HPS6: variants seen among roughly 807,000 people sequenced by gnomAD.
The protein encoded by HPS6 is BLOC-2 complex member HPS6.
Under a neutral mutation model 53.6 loss-of-function variants are expected in HPS6, and 46 were observed. The ratio of observed to expected loss-of-function variants is 0.86; its 90% CI spans 0.68 to 1.10. The LOEUF (loss-of-function observed/expected upper bound fraction) is 1.10, where lower values mean the gene tolerates loss of function less well. Ranked by LOEUF, HPS6 falls within the 50% of genes least tolerant of loss-of-function variation. The pLI is 0.00. For missense variants in HPS6, 1,034 were observed against 991.3 expected (o/e 1.04, Z -0.58); for synonymous variants, 535 against 470.8 (o/e 1.14, Z -1.77).
Position 102,065,378 on chromosome 10 carries a change from A to T in HPS6, c.-97A>T, listed in dbSNP as rs1054326781. 8 of 1,258,308 alleles carry T rather than the reference A, an allele frequency of 6.4e-6. No individual in the cohort carries two copies. The African/African-American group carries it at 1.3e-4, about 20-fold the overall frequency. 77.9% of individuals were successfully genotyped at this position (1,258,308 alleles called of 1,614,324 possible). ...GCTCACCTCATCCACGGGAGACGGA[A>T]GTCTTGGCCCTGCTCCGCTCCCCCG... On this transcript the variant is annotated 5_prime_UTR_variant, in exon 1 of 1. It adds an upstream start codon to the 5' untranslated region. Transcript: ENST00000299238.
Position 102,065,525 on chromosome 10 carries a change from C to T in HPS6, c.51C>T (p.Gly17=), listed in dbSNP as rs1292275501. Reference sequence around the variant, plus strand: ...TGCTCTCGGACCTGAGCGCCTTCGGCGGCGCGGCGCGGCTCCGGGAGCTGG... The same window carrying T: ...TGCTCTCGGACCTGAGCGCCTTCGGTGGCGCGGCGCGGCTCCGGGAGCTGG... ...LRLLSDLSAF[G]GAARLRELVA... Residue 17 remains glycine, a synonymous_variant, in exon 1 of 1, where the codon GGC becomes GGT. Coordinates refer to ENST00000299238, the MANE Select transcript of HPS6 (RefSeq NM_024747.6). 5 of 1,550,164 alleles carry T rather than the reference C, an allele frequency of 3.2e-6. No homozygotes were observed. The highest frequency in any genetic ancestry group is 4.3e-6 in the Non-Finnish European group (5 of 1,159,872).
Position 102,065,997 on chromosome 10 carries a change from A to G in HPS6, c.523A>G (p.Ser175Gly), listed in dbSNP as rs761258579. The change falls in exon 1 of 1, where the codon AGC becomes GGC. Residue 175 changes from serine (S) to glycine (G), a missense_variant. Transcript: ENST00000299238. ...GACTCTGGAGCCCAGCGGGGAAGCT[A>G]GCACCAGCCTGGGCCGCACACACGT... is the stretch of plus-strand genomic sequence containing the variant. ...VRTLEPSGEA[S>G]TSLGRTHVLL... 85 of 1,602,228 alleles carry G rather than the reference A, an allele frequency of 5.3e-5. No individual in the cohort carries two copies. Among genetic ancestry groups the G allele is most frequent in the Non-Finnish European group, 7.0e-5 (82 of 1,179,852 alleles).
Position 102,067,055 on chromosome 10 carries a change from C to T in HPS6, c.1581C>T (p.Leu527=), listed in dbSNP as rs113795554. 6.2e-6 allele frequency: 10 copies of T among 1,614,076 alleles called. No individual in the cohort carries two copies. The African/African-American group carries it at 8.0e-5, about 13-fold the overall frequency. The change falls in exon 1 of 1, where the codon CTC becomes CTT. Residue 527 remains leucine (L), a synonymous_variant. Transcript: ENST00000299238. ...GTGCCACCCTCAGGGCCCTGCAGCT[C>T]CAGCTAGATGGGAATGGCAAGCTGA... ...AWGATLRALQ[L]QLDGNGKLRS...
Position 102,067,824 on chromosome 10 carries a change from A to C in HPS6, c.*22A>C. On this transcript the variant is annotated 3_prime_UTR_variant, in exon 1 of 1. Coordinates refer to ENST00000299238, the MANE Select transcript of HPS6 (RefSeq NM_024747.6). The stretch of plus-strand genomic sequence containing the variant: ...ATGACTACCCTTCAGGCATCAGAAC[A>C]CTCAGGGCCTGGAGGCTTGCTTGGG... 6.2e-7 allele frequency: 1 copy of C among 1,612,338 alleles called. No individual in the cohort carries two copies. Among genetic ancestry groups the C allele is most frequent in the Non-Finnish European group, 8.5e-7 (1 of 1,179,588 alleles).
rs2067977972 is a variant in HPS6, at chr10:102,067,176, C to T, written c.1702C>T (p.Leu568=). The part of the protein sequence containing the change: ...PNGILPPFEL[L]CQCLCQLEPR... The stretch of plus-strand genomic sequence containing the variant: ...TGGAATACTGCCCCCCTTTGAACTC[C>T]TGTGCCAGTGTCTGTGCCAGCTGGA... Residue 568 remains leucine (L), a synonymous_variant, in exon 1 of 1, where the codon CTG becomes TTG. Transcript: ENST00000299238. 1 of 1,613,304 alleles carries T rather than the reference C, an allele frequency of 6.2e-7. No individual in the cohort carries two copies. The highest frequency in any genetic ancestry group is 8.5e-7 in the Non-Finnish European group (1 of 1,180,016).
In HPS6 at chr10:102,066,886, A is replaced by G; in HGVS notation, c.1412A>G (p.Gln471Arg). ...CGAGGCTTAGAACAGCTGAAGGCCC[A>G]GCTGGTGGCTGGGGATGATGAGGAG... The part of the protein sequence containing the change: ...DYRGLEQLKA[Q>R]LVAGDDEEAG... The change falls in exon 1 of 1, where the codon CAG becomes CGG. Residue 471 changes from glutamine (Q) to arginine (R), a missense_variant. Coordinates refer to ENST00000299238, the MANE Select transcript of HPS6 (RefSeq NM_024747.6). 1.2e-6 allele frequency: 2 copies of G among 1,614,218 alleles called. No homozygotes were observed. The highest frequency in any genetic ancestry group is 1.7e-6 in the Non-Finnish European group (2 of 1,180,034).
At position 102,067,519 on chromosome 10, in the gene HPS6, G is replaced by A. The variant is rs778873202; in HGVS notation, c.2045G>A (p.Arg682His). Residue 682 changes from arginine (R) to histidine (H), a missense_variant, in exon 1 of 1, where the codon CGC becomes CAC. Transcript: ENST00000299238. ...CTGCTGGCCGAGTTTGCCCAGCACC[G>A]CCGGCTTGATGCTCACCTCCCCCTC... ...KLLLAEFAQH[R>H]RLDAHLPLLC... The A allele has an allele frequency of 2.0e-5, 33 of 1,613,446 alleles. No individual in the cohort carries two copies. Among genetic ancestry groups the A allele is most frequent in the African/African-American group, 5.3e-5 (4 of 74,920 alleles).
At position 102,066,108 on chromosome 10, in the gene HPS6, G is replaced by A. The variant is rs375789510; in HGVS notation, c.634G>A (p.Val212Met). 151 of 1,613,404 alleles carry A rather than the reference G, an allele frequency of 9.4e-5. No individual in the cohort carries two copies. Among genetic ancestry groups the A allele is most frequent in the Non-Finnish European group, 1.2e-4 (140 of 1,180,050 alleles). Residue 212 changes from valine (V) to methionine (M), a missense_variant, in exon 1 of 1, where the codon GTG becomes ATG. Physicochemically the swap from Val to Met is conservative, Grantham distance 21. Coordinates refer to ENST00000299238, the MANE Select transcript of HPS6 (RefSeq NM_024747.6). ...GCCCACTGCCACCACCTGGCCTGGCGTGGCCCACGTTCTACTCATCTGGAG... is the reference window on the plus strand; with the variant it reads ...GCCCACTGCCACCACCTGGCCTGGCATGGCCCACGTTCTACTCATCTGGAG... ...LVPTATTWPG[V>M]AHVLLIWSPG...
rs2067971253 is a variant in HPS6 at position 102,066,502 on chromosome 10, T to C, written c.1028T>C (p.Leu343Pro). The C allele has an allele frequency of 6.2e-7, 1 of 1,614,028 alleles. No individual in the cohort carries two copies. Among genetic ancestry groups the C allele is most frequent in the African/African-American group, 1.3e-5 (1 of 74,920 alleles). Reference sequence around the variant, plus strand: ...CTGGACATGGGCAGTGGGCAGCTGCTGGAGAGGAAGGTCCTAAGTACAGAC... The same window carrying C: ...CTGGACATGGGCAGTGGGCAGCTGCCGGAGAGGAAGGTCCTAAGTACAGAC... The part of the protein sequence containing the change: ...ELLDMGSGQL[L>P]ERKVLSTDRV... The change falls in exon 1 of 1, where the codon CTG becomes CCG. Residue 343 changes from leucine to proline, a missense_variant. Physicochemically the swap from Leu to Pro is moderately conservative, Grantham distance 98. Transcript: ENST00000299238.
rs775327376 is a variant in HPS6, at chr10:102,067,367, G to A, written c.1893G>A (p.Gly631=). 1.9e-6 allele frequency: 3 copies of A among 1,612,870 alleles called. No individual in the cohort carries two copies. The East Asian group carries it at 6.7e-5, about 36-fold the overall frequency. The part of the protein sequence containing the change: ...ALELELLLSS[G]RPKAVLQAVG... The stretch of plus-strand genomic sequence containing the variant: ...AGCTAGAGCTGCTCTTGAGCAGTGG[G>A]CGGCCTAAAGCTGTGCTCCAAGCTG... The change falls in exon 1 of 1, where the codon GGG becomes GGA. Residue 631 remains glycine (G), a synonymous_variant. Transcript: ENST00000299238.
rs143974193 is a variant in HPS6, at chr10:102,066,592, G to A, written c.1118G>A (p.Gly373Glu). The A allele has an allele frequency of 6.2e-7, 1 of 1,613,994 alleles. No homozygotes were observed. Among genetic ancestry groups the A allele is most frequent in the African/African-American group, 1.3e-5 (1 of 74,950 alleles). Residue 373 changes from glycine (G) to glutamate (E), a missense_variant, in exon 1 of 1, where the codon GGG (glycine) becomes GAG (glutamate). Coordinates refer to ENST00000299238, the MANE Select transcript of HPS6 (RefSeq NM_024747.6). ...MEDEEELETR[G>E]NLRLLSALGL... ...GATGAGGAAGAGCTGGAGACCCGAG[G>A]GAATCTTCGTCTGCTTTCAGCCTTG...
chr10:102,065,696 C>T lies in HPS6; in HGVS notation c.222C>T (p.Gly74=), dbSNP rs2067962924. The change falls in exon 1 of 1, where the codon GGC becomes GGT. Residue 74 remains glycine, a synonymous_variant. Transcript: ENST00000299238. Reference sequence around the variant, plus strand: ...AGCTAGAGCGGGCCTGGCCGGCCGGCCAGCCCTCCCCGCTGGACGCCTTCT... The same window carrying T: ...AGCTAGAGCGGGCCTGGCCGGCCGGTCAGCCCTCCCCGCTGGACGCCTTCT... ...GAELERAWPA[G]QPSPLDAFFL... is the part of the protein sequence containing the mutation. 1 of 1,512,624 alleles carries T rather than the reference C, an allele frequency of 6.6e-7. No homozygotes were observed. The highest frequency in any genetic ancestry group is 8.8e-7 in the Non-Finnish European group (1 of 1,139,052). The allele number at this position is 1,512,624 out of a possible 1,614,324, so 93.7% of individuals were successfully genotyped here.
At position 102,066,695 on chromosome 10, in the gene HPS6, C is replaced by T. The variant is rs775833796; in HGVS notation, c.1221C>T (p.Ala407=). The change falls in exon 1 of 1, where the codon GCC becomes GCT. Residue 407 remains alanine (A), a synonymous_variant. Coordinates refer to ENST00000299238, the MANE Select transcript of HPS6 (RefSeq NM_024747.6). ...CCAAGGATCTGGTGTTTGAGGAGGC[C>T]TGCGGGTACTACCAGCGGCGGAGCC... is the stretch of plus-strand genomic sequence containing the variant. ...PSAKDLVFEE[A]CGYYQRRSLR... is the part of the protein sequence containing the mutation. 6.2e-7 allele frequency: 1 copy of T among 1,613,962 alleles called. No individual in the cohort carries two copies. Among genetic ancestry groups the T allele is most frequent in the Middle Eastern group, 1.6e-4 (1 of 6,062 alleles).
chr10:102,065,398 C>A lies in HPS6; in HGVS notation c.-77C>A. 1.4e-6 allele frequency: 2 copies of A among 1,430,132 alleles called. No individual in the cohort carries two copies. The highest frequency in any genetic ancestry group is 1.3e-5 in the South Asian group (1 of 77,438). 88.6% of individuals were successfully genotyped at this position (1,430,132 alleles called of 1,614,324 possible). A position where few individuals can be genotyped will look rare whatever the true frequency, so the allele number is the denominator to read the frequency against. On this transcript the variant is annotated 5_prime_UTR_variant, in exon 1 of 1. Coordinates refer to ENST00000299238, the MANE Select transcript of HPS6 (RefSeq NM_024747.6). Reference sequence around the variant, plus strand: ...ACGGAAGTCTTGGCCCTGCTCCGCTCCCCCGAGAATCGGGCCTCGCCCTGC... The same window carrying A: ...ACGGAAGTCTTGGCCCTGCTCCGCTACCCCGAGAATCGGGCCTCGCCCTGC...
rs544314793 is a variant in HPS6, at chr10:102,065,728, C to G, written c.254C>G (p.Pro85Arg). Residue 85 changes from proline (P) to arginine (R), a missense_variant, in exon 1 of 1, where the codon CCG (proline) becomes CGG (arginine). Coordinates refer to ENST00000299238, the MANE Select transcript of HPS6 (RefSeq NM_024747.6). The part of the protein sequence containing the change: ...QPSPLDAFFL[P>R]WPARPALVLV... ...TCCCCGCTGGACGCCTTCTTCCTGC[C>G]GTGGCCAGCGCGGCCGGCGCTGGTG... The G allele has an allele frequency of 5.3e-6, 8 of 1,502,850 alleles. 1 individual carries two copies. In the African/African-American group the frequency reaches 7.2e-5, roughly 14 times the overall value. The allele number at this position is 1,502,850 out of a possible 1,614,324, so 93.1% of individuals were successfully genotyped here.
Position 102,065,387 on chromosome 10 carries a change from C to G in HPS6, c.-88C>G. On this transcript the variant is annotated 5_prime_UTR_variant, in exon 1 of 1. Transcript: ENST00000299238. ...ATCCACGGGAGACGGAAGTCTTGGC[C>G]CTGCTCCGCTCCCCCGAGAATCGGG... 7.3e-7 allele frequency: 1 copy of G among 1,375,426 alleles called. No individual in the cohort carries two copies. Among genetic ancestry groups the G allele is most frequent in the South Asian group, 1.3e-5 (1 of 75,102 alleles). 85.2% of individuals were successfully genotyped at this position (1,375,426 alleles called of 1,614,324 possible).
At position 102,067,682 on chromosome 10, in the gene HPS6, C is replaced by T. The variant is rs3758556; in HGVS notation, c.2208C>T (p.Leu736=). 2.5e-5 allele frequency: 40 copies of T among 1,613,884 alleles called. No homozygotes were observed. In the East Asian group the frequency reaches 6.7e-4, roughly 27 times the overall value. ...AGCCCCCTCTCACTGTGGGCTTGCT[C>T]AAAGCCCTGCTGGAGCAGACTGGGG... ...GAEPPLTVGL[L]KALLEQTGAQ... The change falls in exon 1 of 1, where the codon CTC becomes CTT. Residue 736 remains leucine (L), a synonymous_variant. Coordinates refer to ENST00000299238, the MANE Select transcript of HPS6 (RefSeq NM_024747.6).
chr10:102,066,550 C>T lies in HPS6; in HGVS notation c.1076C>T (p.Pro359Leu), dbSNP rs1431120412. 1.2e-6 allele frequency: 2 copies of T among 1,614,188 alleles called. No individual in the cohort carries two copies. Among genetic ancestry groups the T allele is most frequent in the Non-Finnish European group, 1.7e-6 (2 of 1,180,042 alleles). The change falls in exon 1 of 1, where the codon CCA (proline) becomes CTA (leucine). Residue 359 changes from proline (P) to leucine (L), a missense_variant. Pro to Leu is a moderately conservative substitution (Grantham distance 98). Transcript: ENST00000299238. Reference protein sequence around the residue: ...STDRVHLLEPPAPGMEDEEEL... With the variant: ...STDRVHLLEPLAPGMEDEEEL... ...GACAGGGTACATCTGCTAGAACCGC[C>T]AGCCCCCGGCATGGAGGATGAGGAA...
Position 102,066,200 on chromosome 10 carries a change from T to A in HPS6, c.726T>A (p.Asn242Lys), listed in dbSNP as rs757298881. 6.2e-7 allele frequency: 1 copy of A among 1,613,846 alleles called. No individual in the cohort carries two copies. Among genetic ancestry groups the A allele is most frequent in the South Asian group, 1.1e-5 (1 of 91,084 alleles). ...GTCTCTCCTACAGTAAGAGTCTGAA[T>A]CCTGGACGAGGGGACACATGGGACT... ...RLGLSYSKSL[N>K]PGRGDTWDFR... Residue 242 changes from asparagine (N) to lysine (K), a missense_variant, in exon 1 of 1, where the codon AAT becomes AAA. Coordinates refer to ENST00000299238, the MANE Select transcript of HPS6 (RefSeq NM_024747.6).
Sources: gnomAD v4.1 joint callset for allele counts on GRCh38, gnomAD v4.1.1 for gene constraint, MANE v1.5 for transcripts, NCBI Gene and HGNC (gene_info 2026-07-23, HGNC 2026-07-21) for gene names.